Variants in FYB1 observed in about 807,000 individuals in gnomAD.
FYB1 encodes the protein FYN binding protein 1, also known as FYN-binding protein 1.
In FYB1, 41 loss-of-function variants were observed where a neutral mutation model predicts 94.1. The observed-to-expected ratio is 0.44, with a 90% CI of 0.34 to 0.57. The LOEUF (loss-of-function observed/expected upper bound fraction) is 0.57, where lower values mean the gene tolerates loss of function less well. Among genes scored for constraint, FYB1 ranks in the 20% least tolerant of loss-of-function variants. FYB1 has a pLI of 0.02. For synonymous variants in FYB1, 367 were observed against 353.2 expected, an observed-to-expected ratio of 1.04 and a Z score of -0.44; for missense variants, 1,050 against 976.8, an observed-to-expected ratio of 1.07 and a Z score of -1.00.
chr5:39,214,897 C>G (rs1176865529), intron 1 of FYB1, among the ~76,000 whole-genome samples: 4 of 152,116 alleles, frequency 2.6e-5, no homozygotes, highest in Non-Finnish European at 5.9e-5. Context: ...CCACTGCACT[C>G]CAGTCTGGGC....
In FYB1 at chr5:39,202,869, C is replaced by T; in HGVS notation, c.92G>A (p.Gly31Glu). ...GAATAAGTTCTTTCTTGCTTGTATT[C>T]CTGAAGATGAGTTTGGCCCTGTGAC... ...FRVTGPNSSS[G>E]IQARKNLFNN... is the part of the protein sequence containing the mutation. Residue 31 changes from glycine (G) to glutamate (E), a missense_variant, in exon 2 of 19, where the codon GGA (glycine) becomes GAA (glutamate). By Grantham distance (98) the Gly-to-Glu change is moderately conservative. Transcript: ENST00000512982. The T allele has an allele frequency of 1.2e-6, 2 of 1,613,946 alleles. No individual in the cohort carries two copies. The highest frequency in any genetic ancestry group is 1.7e-6 in the Non-Finnish European group (2 of 1,179,894).
intron 1 of FYB1, among the ~76,000 whole-genome samples, chr5:39,243,493 G>T (rs1357854998): frequency 4.1e-4 from 63 of 151,908 alleles, no homozygotes; most frequent in African/African-American, 1.4e-3. Flanking sequence ...CTGTTCCATT[G>T]GTCTATATCT....
At chr5:39,149,075 A>G (rs909591015) in intron 3 of FYB1, among the ~76,000 whole-genome samples, 1 of 152,214 alleles carries the variant, frequency 6.6e-6, no homozygotes, top group Non-Finnish European at 1.5e-5. Flanking sequence ...ATAGCAGAAA[A>G]TGTAACAAAC....
rs941092957 is a variant in FYB1, at chr5:39,125,127, A to T, written c.2046-849T>A. Among the ~76,000 whole-genome samples the T allele has an allele frequency of 5.9e-5, 9 of 152,208 alleles. No individual in the cohort carries two copies. The East Asian group carries it at 1.5e-3, about 26-fold the overall frequency. ...TTTAAGTAAGGGTTATATTTGAGTA[A>T]TGCTGCTCAAGAGAAGGTTTCTTGT... On this transcript the variant is annotated intron_variant, in intron 12 of 18. Coordinates refer to ENST00000512982, the MANE Select transcript of FYB1 (RefSeq NM_001465.6).
chr5:39,135,105 T>G lies in FYB1; in HGVS notation c.1516-91A>C, dbSNP rs555544330. ...ATTTTGAAAGATATAAGTCTACAACTTGCTAAGCTACCTATAACCAACATT... is the reference window on the plus strand; with the variant it reads ...ATTTTGAAAGATATAAGTCTACAACGTGCTAAGCTACCTATAACCAACATT... On this transcript the variant is annotated intron_variant, in intron 7 of 18. Transcript: ENST00000512982. 7.2e-6 allele frequency: 10 copies of G among 1,385,948 alleles called. No individual in the cohort carries two copies. The East Asian group carries it at 2.3e-4, about 32-fold the overall frequency. 85.9% of individuals were successfully genotyped at this position (1,385,948 alleles called of 1,614,324 possible). A position where few individuals can be genotyped will look rare whatever the true frequency, so the allele number is the denominator to read the frequency against.
rs746443322 is a variant in FYB1, at chr5:39,202,351, G to A, written c.610C>T (p.Leu204=). ...PKPAFGQKPP[L]STENSHEDES... ...TCTTCATGGGAGTTCTCGGTACTTAGGGGCGGCTTCTGGCCAAAGGCGGGT... is the reference window on the plus strand; with the variant it reads ...TCTTCATGGGAGTTCTCGGTACTTAAGGGCGGCTTCTGGCCAAAGGCGGGT... The change falls in exon 2 of 19, where the codon CTA becomes TTA. Residue 204 remains leucine, a synonymous_variant. Transcript: ENST00000512982. 3 of 1,613,950 alleles carry A rather than the reference G, an allele frequency of 1.9e-6. No individual in the cohort carries two copies. The highest frequency in any genetic ancestry group is 2.5e-6 in the Non-Finnish European group (3 of 1,179,872).
At chr5:39,234,001 C>A (rs778210905) in intron 1 of FYB1, among the ~76,000 whole-genome samples, 3 of 152,118 alleles carry the variant, frequency 2.0e-5, no homozygotes, top group South Asian at 2.1e-4. Flanking sequence ...ACTGCTCTGG[C>A]CTTTCTCTAG....
At chr5:39,156,726 G>A (rs1245217827) in intron 2 of FYB1, among the ~76,000 whole-genome samples, 4 of 152,122 alleles carry the variant, frequency 2.6e-5, no homozygotes, top group African/African-American at 9.7e-5. Context: ...AGTTTTTCTG[G>A]AGGAAAAAAC....
intron 2 of FYB1, among the ~76,000 whole-genome samples, chr5:39,184,638 T>C (rs1287389001): frequency 6.6e-6 from 1 of 152,230 alleles, no homozygotes; most frequent in Non-Finnish European, 1.5e-5. Flanking sequence ...TTACTGCTAT[T>C]GAAAACTGGA....
intron 1 of FYB1, among the ~76,000 whole-genome samples, chr5:39,205,516 G>A (rs1748763395): frequency 6.6e-6 from 1 of 152,222 alleles, no homozygotes; most frequent in African/African-American, 2.4e-5. Flanking sequence ...CTGCATCGGT[G>A]AGGAAATGGA....
chr5:39,122,051 C>G (rs1162650207), intron 14 of FYB1, among the ~76,000 whole-genome samples: 1 of 151,830 alleles, frequency 6.6e-6, no homozygotes, highest in African/African-American at 2.4e-5. Flanking sequence ...ATCAGTAAGT[C>G]ACAGGCCCAA....
intron 1 of FYB1, among the ~76,000 whole-genome samples, chr5:39,255,462 C>A (rs1751898572): frequency 6.9e-6 from 1 of 144,328 alleles, no homozygotes; most frequent in Admixed American, 7.0e-5. Context: ...TTCAAAGTTG[C>A]AGACTTCAGT....
At chr5:39,133,602 C>G (rs1417024032) in intron 9 of FYB1, among the ~76,000 whole-genome samples, 5 of 152,092 alleles carry the variant, frequency 3.3e-5, no homozygotes, top group African/African-American at 1.2e-4. Flanking sequence ...CTCATTGGTC[C>G]TCCAGAAAGG....
intron 3 of FYB1, among the ~76,000 whole-genome samples, chr5:39,145,850 T>A (rs1742596750): frequency 6.6e-6 from 1 of 152,008 alleles, no homozygotes; most frequent in Non-Finnish European, 1.5e-5. Flanking sequence ...GCTTCCCTTC[T>A]TTGGAATAAT....
At chr5:39,134,747 GT>G in intron 8 of FYB1, 107 bp downstream of exon 8, 1 of 1,168,846 alleles carries the variant, frequency 8.6e-7, no homozygotes, top group Admixed American at 2.2e-5. Flanking sequence ...TGTCCACTCT[GT>G]AAAGTACTCC....
intron 5 of FYB1, 130 bp downstream of exon 5, chr5:39,139,103 A>C (rs1741918492): frequency 1.0e-6 from 1 of 986,298 alleles, no homozygotes; most frequent in Non-Finnish European, 1.4e-6. Context: ...AAATAAGATT[A>C]GAAATGGAAA....
At chr5:39,169,188 T>G in intron 2 of FYB1, 1 of 816,902 alleles carries the variant, frequency 1.2e-6, no homozygotes, top group Non-Finnish European at 2.1e-6. Flanking sequence ...CAACTAATCA[T>G]TGCAACATCT....
intron 2 of FYB1, among the ~76,000 whole-genome samples, chr5:39,168,458 T>C (rs1190452413): frequency 6.6e-6 from 1 of 152,134 alleles, no homozygotes; most frequent in Admixed American, 6.5e-5. Context: ...ATGTAAAAAA[T>C]TGTGTAAGAA....
chr5:39,134,173 G>A (rs1402576762), intron 9 of FYB1, 35 bp downstream of exon 9: 30 of 1,501,822 alleles, frequency 2.0e-5, no homozygotes, highest in Non-Finnish European at 2.7e-5. Flanking sequence ...CAAGGAGACA[G>A]TTTGATCTGT....
Sources: allele counts gnomAD v4.1 joint callset (sites outside exome capture counted in the v4.1 genomes callset), GRCh38; gene constraint gnomAD v4.1.1; transcripts MANE v1.5; gene names NCBI Gene and HGNC (gene_info 2026-07-23, HGNC 2026-07-21).